Variants in MINDY2 observed in about 807,000 individuals in gnomAD.
MINDY2 encodes the protein ubiquitin carboxyl-terminal hydrolase MINDY-2.
Under a neutral mutation model 68.2 loss-of-function variants are expected in MINDY2, and 52 were observed. The observed-to-expected ratio is 0.76, with a 90% CI of 0.61 to 0.96. The LOEUF is 0.96. Ranked by LOEUF, MINDY2 falls within the 40% of genes least tolerant of loss-of-function variation. The probability of loss-of-function intolerance (pLI) is 0.00; values close to 1 mark genes in which losing one functional copy is unlikely to be tolerated. For missense variants in MINDY2, 881 were observed against 773.4 expected (o/e 1.14, Z -1.65); for synonymous variants, 372 against 303.0 (o/e 1.23, Z -2.36).
At chr15:58,796,235 C>T (rs1262004177) in intron 2 of MINDY2, 1 of 436,844 alleles carries the variant, frequency 2.3e-6, no homozygotes. Context: ...TAGTTAGAAT[C>T]TATGCTGTTG....
chr15:58,815,642 T>G (rs555518062), intron 4 of MINDY2: 1 of 151,990 alleles, frequency 6.6e-6, no homozygotes, highest in South Asian at 2.1e-4. Context: ...GCCACTGTGC[T>G]TGGCTCAAGA....
intron 1 of MINDY2, among the ~76,000 whole-genome samples, chr15:58,784,694 A>G (rs890037206): frequency 7.1e-6 from 1 of 141,058 alleles, no homozygotes; most frequent in Non-Finnish European, 1.5e-5. Flanking sequence ...ATAGCGGCTC[A>G]CTTCAGCTTC....
intron 7 of MINDY2, among the ~76,000 whole-genome samples, chr15:58,849,099 A>C (rs1220451180): frequency 9.2e-5 from 14 of 151,732 alleles, no homozygotes; most frequent in African/African-American, 3.2e-4. Flanking sequence ...AACCCCAACT[A>C]CTCGGGAGGC....
intron 4 of MINDY2, 91 bp downstream of exon 4, chr15:58,810,479 T>C: frequency 7.8e-7 from 1 of 1,281,884 alleles, no homozygotes; most frequent in Non-Finnish European, 1.0e-6. Flanking sequence ...TTTTGTTACT[T>C]ACTTTTTTTG....
At chr15:58,854,390 C>T (rs1421587086) in intron 8 of MINDY2, 92 bp from the exon 9 acceptor site, 1 of 1,403,934 alleles carries the variant, frequency 7.1e-7, no homozygotes, top group East Asian at 2.3e-5. Context: ...ATCAGTGATT[C>T]CTTCCACTGT....
chr15:58,791,317 A>C (rs1901896217), intron 2 of MINDY2, among the ~76,000 whole-genome samples: 4 of 145,102 alleles, frequency 2.8e-5, no homozygotes, highest in African/African-American at 1.0e-4. Context: ...TAATGATAGA[A>C]ATGTTCTGTA....
intron 2 of MINDY2, among the ~76,000 whole-genome samples, chr15:58,800,394 A>G (rs74021007): frequency 0.033 from 5,016 of 152,142 alleles, 295 homozygotes; most frequent in African/African-American, 0.11. Flanking sequence ...TCCTCTACTT[A>G]AAAGTATAAA....
At chr15:58,852,083 T>C in intron 8 of MINDY2, 118 bp downstream of exon 8, 1 of 695,258 alleles carries the variant, frequency 1.4e-6, no homozygotes, top group Non-Finnish European at 2.3e-6. Flanking sequence ...GCCCAGGAGT[T>C]CGAGACCAGC....
chr15:58,831,039 G>GTATATATATATA (rs1247362730), intron 5 of MINDY2, among the ~76,000 whole-genome samples: 78 of 109,594 alleles, frequency 7.1e-4, no homozygotes, highest in African/African-American at 2.0e-3. Context: ...GTGTGTGTGT[G>GTATATATATATA]TGTATATATA....
chr15:58,825,371 G>T (rs2031327677), intron 5 of MINDY2, among the ~76,000 whole-genome samples: 1 of 152,038 alleles, frequency 6.6e-6, no homozygotes, highest in African/African-American at 2.4e-5. Context: ...CTGCTTTCGG[G>T]TGTCGATACC....
At chr15:58,823,874 C>T (rs1019385494) in intron 5 of MINDY2, among the ~76,000 whole-genome samples, 1 of 152,174 alleles carries the variant, frequency 6.6e-6, no homozygotes, top group African/African-American at 2.4e-5. Flanking sequence ...ATTCCACTCA[C>T]TAGAAGTTTG....
chr15:58,828,367 C>T (rs1329397386), intron 5 of MINDY2, among the ~76,000 whole-genome samples: 2 of 152,006 alleles, frequency 1.3e-5, no homozygotes, highest in African/African-American at 4.8e-5. Flanking sequence ...TAAATTTGAA[C>T]ACAAATCTGA....
At chr15:58,843,739 C>T (rs2032389422) in intron 6 of MINDY2, among the ~76,000 whole-genome samples, 1 of 144,908 alleles carries the variant, frequency 6.9e-6, no homozygotes, top group Non-Finnish European at 1.5e-5. Flanking sequence ...GAGGCTGAGG[C>T]AGGAGAATGG....
At chr15:58,810,061 A>T (rs933569220) in intron 3 of MINDY2, among the ~76,000 whole-genome samples, 169 bp from the exon 4 acceptor site, 7 of 152,212 alleles carry the variant, frequency 4.6e-5, no homozygotes, top group Admixed American at 3.3e-4. Flanking sequence ...GTATCTTTCA[A>T]ACTCCAACTA....
chr15:58,783,609 C>T (rs1485630002), intron 1 of MINDY2, among the ~76,000 whole-genome samples: 1 of 152,034 alleles, frequency 6.6e-6, no homozygotes, highest in African/African-American at 2.4e-5. Flanking sequence ...GAGTCTATTC[C>T]CAAATTTACT....
chr15:58,825,988 A>G (rs1191329575), intron 5 of MINDY2, among the ~76,000 whole-genome samples: 1 of 152,086 alleles, frequency 6.6e-6, no homozygotes, highest in African/African-American at 2.4e-5. Context: ...GTTAATTCAA[A>G]TATTTATTGA....
At chr15:58,811,208 T>C (rs1419168856) in intron 4 of MINDY2, among the ~76,000 whole-genome samples, 3 of 152,234 alleles carry the variant, frequency 2.0e-5, no homozygotes, top group African/African-American at 7.2e-5. Flanking sequence ...GTATTCTTTA[T>C]TGCATAGCTT....
rs7183956 is a variant in MINDY2 at position 58,816,433 on chromosome 15, C to T, written c.1123-5284C>T. Among the ~76,000 whole-genome samples, 731 of 151,960 alleles carry T rather than the reference C, an allele frequency of 4.8e-3. 8 individuals are homozygous for T. The highest frequency in any genetic ancestry group is 0.015 in the African/African-American group (616 of 41,426). ...TGTTTGCTTGTTTGTTTTTTTGAGA[C>T]AAGATCTTGCTCTGTTGCCCAGACT... On this transcript the variant is annotated intron_variant, in intron 4 of 8. Transcript: ENST00000559228.
chr15:58,792,649 T>C (rs1012502947), intron 2 of MINDY2, among the ~76,000 whole-genome samples: 1 of 152,026 alleles, frequency 6.6e-6, no homozygotes, highest in African/African-American at 2.4e-5. Flanking sequence ...TTATTCATAG[T>C]AGTCAAAAAA....
Sources: gnomAD v4.1 joint callset for allele counts (sites outside exome capture counted in the v4.1 genomes callset) on GRCh38, gnomAD v4.1.1 for gene constraint, MANE v1.5 for transcripts, NCBI Gene and HGNC (gene_info 2026-07-23, HGNC 2026-07-21) for gene names.